KCNT2: variants seen among roughly 807,000 people sequenced by gnomAD.
KCNT2 encodes potassium channel subfamily T member 2.
Under a neutral mutation model 153.8 loss-of-function variants are expected in KCNT2, and 67 were observed. The observed-to-expected ratio is 0.44, with a 90% CI of 0.36 to 0.53. The LOEUF (loss-of-function observed/expected upper bound fraction) is 0.53. Among genes scored for constraint, KCNT2 ranks in the 20% least tolerant of loss-of-function variants. The pLI, the probability that KCNT2 is intolerant of heterozygous loss-of-function variation, is 0.00. For missense variants in KCNT2, 975 were observed against 1,354.8 expected, an observed-to-expected ratio of 0.72 and a Z score of 4.40; for synonymous variants, 500 against 458.8, an observed-to-expected ratio of 1.09 and a Z score of -1.15.
chr1:196,263,007 A>G (rs866729391), intron 25 of KCNT2, among the ~76,000 whole-genome samples: 1 of 152,118 alleles, frequency 6.6e-6, no homozygotes, highest in South Asian at 2.1e-4. Context: ...TTTAAAGCCA[A>G]ATATTTACTA....
intron 25 of KCNT2, 106 bp downstream of exon 25, chr1:196,280,754 C>T: frequency 4.4e-6 from 5 of 1,125,108 alleles, no homozygotes; most frequent in Non-Finnish European, 6.5e-6. Context: ...AGGTAGCATT[C>T]TTTTTCACTT....
At chr1:196,486,438 A>G (rs1029772321) in intron 3 of KCNT2, among the ~76,000 whole-genome samples, 1 of 151,964 alleles carries the variant, frequency 6.6e-6, no homozygotes, top group Non-Finnish European at 1.5e-5. Context: ...AACCATACCA[A>G]ACAATAGAAG....
intron 14 of KCNT2, among the ~76,000 whole-genome samples, chr1:196,360,026 T>C (rs1308563152): frequency 6.6e-6 from 1 of 152,074 alleles, no homozygotes; most frequent in South Asian, 2.1e-4. Flanking sequence ...AACATCCAGA[T>C]TCCTCAAAAT....
intron 15 of KCNT2, among the ~76,000 whole-genome samples, chr1:196,340,876 A>C (rs1665557182): frequency 6.6e-6 from 1 of 152,046 alleles, no homozygotes; most frequent in Non-Finnish European, 1.5e-5. Context: ...TTGGTCAAAA[A>C]ACATAAACAG....
At chr1:196,567,138 C>T (rs1660208273) in intron 1 of KCNT2, among the ~76,000 whole-genome samples, 1 of 152,022 alleles carries the variant, frequency 6.6e-6, no homozygotes, top group African/African-American at 2.4e-5. Context: ...TCCTTAATTA[C>T]CATGGTCCAT....
intron 21 of KCNT2, among the ~76,000 whole-genome samples, chr1:196,312,066 C>A (rs1662234253): frequency 6.6e-6 from 1 of 151,784 alleles, no homozygotes; most frequent in Admixed American, 6.6e-5. Flanking sequence ...AAATTGAGGA[C>A]TTGCTTTTCT....
At chr1:196,605,154 A>G (rs1342338033) in intron 1 of KCNT2, among the ~76,000 whole-genome samples, 1 of 152,232 alleles carries the variant, frequency 6.6e-6, no homozygotes, top group East Asian at 1.9e-4. Context: ...TTGGAACACA[A>G]TTCCCCCATC....
intron 12 of KCNT2, among the ~76,000 whole-genome samples, chr1:196,418,388 C>T (rs1009898436): frequency 5.9e-5 from 9 of 151,988 alleles, no homozygotes; most frequent in African/African-American, 2.2e-4. Flanking sequence ...AGGCATGGTA[C>T]CCAGAAGGCG....
chr1:196,429,894 T>C (rs758235913), intron 8 of KCNT2, 137 bp from the exon 9 acceptor site: 2 of 586,796 alleles, frequency 3.4e-6, no homozygotes, highest in Admixed American at 3.5e-5. Context: ...TATATTTTTC[T>C]AGGAAAGATA....
At chr1:196,432,624 C>T (rs542198080) in intron 8 of KCNT2, among the ~76,000 whole-genome samples, 15 of 152,214 alleles carry the variant, frequency 9.9e-5, no homozygotes, top group Non-Finnish European at 1.9e-4. Context: ...TTTCTTCTTG[C>T]CTATTTCTCC....
At chr1:196,393,948 C>T (rs965412847) in intron 13 of KCNT2, among the ~76,000 whole-genome samples, 1 of 151,466 alleles carries the variant, frequency 6.6e-6, no homozygotes, top group Non-Finnish European at 1.5e-5. Flanking sequence ...TTGCCTCTGT[C>T]ATATGTTTCA....
chr1:196,394,655 A>G (rs1376264203), intron 13 of KCNT2, among the ~76,000 whole-genome samples: 1 of 151,600 alleles, frequency 6.6e-6, no homozygotes, highest in Non-Finnish European at 1.5e-5. Context: ...TTTGCAAATT[A>G]TATAAATAGA....
At chr1:196,556,060 C>T (rs1658613034) in intron 1 of KCNT2, among the ~76,000 whole-genome samples, 1 of 151,312 alleles carries the variant, frequency 6.6e-6, no homozygotes, top group Non-Finnish European at 1.5e-5. Flanking sequence ...TACAAGAAAA[C>T]ACTGGGGAAA....
intron 14 of KCNT2, among the ~76,000 whole-genome samples, chr1:196,350,555 T>A (rs1443097726): frequency 6.6e-6 from 1 of 152,060 alleles, no homozygotes; most frequent in East Asian, 1.9e-4. Flanking sequence ...GATGGGGTTG[T>A]TTTCTTCTTG....
chr1:196,378,489 A>G (rs1380005895), intron 13 of KCNT2, among the ~76,000 whole-genome samples: 1 of 151,924 alleles, frequency 6.6e-6, no homozygotes, highest in Non-Finnish European at 1.5e-5. Flanking sequence ...TTTATTCCCT[A>G]TGTCAAATAC....
chr1:196,270,828 GGT>G lies in KCNT2; in HGVS notation c.2910+10030_2910+10031del, dbSNP rs10641279. Among the ~76,000 whole-genome samples the G allele has an allele frequency of 4.4e-3, 651 of 147,658 alleles. 1 individual carries two copies. The highest frequency in any genetic ancestry group is 5.3e-3 in the Non-Finnish European group (355 of 66,392). On this transcript the variant is annotated intron_variant, in intron 25 of 27. Transcript: ENST00000294725. Reference sequence around the variant, plus strand: ...ACTAAAGCAATGGTTTCAACATGCAGGTGTGTGTGTGTGTGTGTGTGTGCATG... The same window carrying G: ...ACTAAAGCAATGGTTTCAACATGCAGGTGTGTGTGTGTGTGTGTGTGCATG...
intron 5 of KCNT2, among the ~76,000 whole-genome samples, chr1:196,476,956 T>C (rs920236127): frequency 1.3e-5 from 2 of 152,146 alleles, no homozygotes; most frequent in African/African-American, 2.4e-5. Flanking sequence ...GTAAACTCAA[T>C]AGCCTTTTCT....
chr1:196,387,769 CT>C (rs1204545834), intron 13 of KCNT2, among the ~76,000 whole-genome samples: 1 of 151,746 alleles, frequency 6.6e-6, no homozygotes, highest in East Asian at 1.9e-4. Flanking sequence ...TTTGTTTGGA[CT>C]CTTAAAATTG....
intron 8 of KCNT2, among the ~76,000 whole-genome samples, chr1:196,459,261 A>G (rs184707091): frequency 6.6e-6 from 1 of 151,892 alleles, no homozygotes; most frequent in African/African-American, 2.4e-5. Context: ...GCCATTTAAT[A>G]ATTTATAAAA....
Sources: allele counts gnomAD v4.1 joint callset (sites outside exome capture counted in the v4.1 genomes callset), GRCh38; gene constraint gnomAD v4.1.1; transcripts MANE v1.5; gene names NCBI Gene and HGNC (gene_info 2026-07-23, HGNC 2026-07-21).